The following DENND2B variants were observed in gnomAD, a reference collection of about 807,000 sequenced individuals.
DENND2B encodes DENN domain containing 2B, also known as DENN domain-containing protein 2B.
A neutral mutation model predicts 116.0 loss-of-function variants in DENND2B; 32 were observed. That is an observed-to-expected ratio of 0.28 (90% CI 0.21 to 0.37). DENND2B has a LOEUF of 0.37. Among genes scored for constraint, DENND2B ranks in the 10% least tolerant of loss-of-function variants. The pLI is 1.00. For synonymous variants in DENND2B, 588 were observed against 583.9 expected (o/e 1.01, Z -0.10); for missense variants, 1,276 against 1,477.7 (o/e 0.86, Z 2.24).
chr11:8,706,945 C>T, intron 13 of DENND2B, 140 bp downstream of exon 13: 1 of 1,097,512 alleles, frequency 9.1e-7, no homozygotes, highest in Non-Finnish European at 1.3e-6. Context: ...CTCTTTTGGT[C>T]CCTAGTGATG....
intron 2 of DENND2B, among the ~76,000 whole-genome samples, chr11:8,745,168 C>T (rs752758475): frequency 6.6e-6 from 1 of 152,126 alleles, no homozygotes; most frequent in Non-Finnish European, 1.5e-5. Context: ...GATCCTCCCA[C>T]CCCAATCTCC....
At chr11:8,868,082 A>G (rs1034143774) in intron 2 of DENND2B, among the ~76,000 whole-genome samples, 10 of 152,182 alleles carry the variant, frequency 6.6e-5, no homozygotes, top group African/African-American at 2.4e-4. Flanking sequence ...ATTGATCCAC[A>G]TACACATTCC....
upstream of DENND2B, chr11:8,811,687 A>C (rs901414724): frequency 5.1e-6 from 1 of 196,268 alleles, no homozygotes; most frequent in Non-Finnish European, 1.0e-5. Flanking sequence ...TTTGAAATAC[A>C]CTGCACAGAT....
chr11:8,713,760 C>T (rs1214496222), intron 8 of DENND2B, among the ~76,000 whole-genome samples: 2 of 152,202 alleles, frequency 1.3e-5, no homozygotes, highest in Non-Finnish European at 2.9e-5. Flanking sequence ...CAGGTCACCA[C>T]CCTTACATTT....
chr11:8,785,280 T>C (rs576357502), intron 1 of DENND2B: 1 of 152,346 alleles, frequency 6.6e-6, no homozygotes, highest in Admixed American at 6.5e-5. Context: ...AGCTTTTCTT[T>C]ACATTAAAAA....
At chr11:8,900,901 A>G (rs2064159059) in intron 1 of DENND2B, among the ~76,000 whole-genome samples, 1 of 151,840 alleles carries the variant, frequency 6.6e-6, no homozygotes, top group Non-Finnish European at 1.5e-5. Flanking sequence ...TCTGGGAGGC[A>G]GAGGTTGCAG....
chr11:8,823,989 G>A (rs1461078921), intron 4 of DENND2B, among the ~76,000 whole-genome samples: 2 of 147,302 alleles, frequency 1.4e-5, no homozygotes, highest in African/African-American at 5.0e-5. Context: ...TGCAACCTCC[G>A]CCTCCCGGGT....
chr11:8,778,593 G>C (rs1368038008), intron 1 of DENND2B, among the ~76,000 whole-genome samples: 3 of 152,238 alleles, frequency 2.0e-5, no homozygotes, highest in Non-Finnish European at 4.4e-5. Context: ...CCTGCTTCCA[G>C]CTCAGGGAAG....
intron 1 of DENND2B, among the ~76,000 whole-genome samples, chr11:8,760,333 G>T (rs1057102841): frequency 1.3e-5 from 2 of 152,102 alleles, no homozygotes; most frequent in Non-Finnish European, 2.9e-5. Flanking sequence ...CCCAAACCAA[G>T]ATTCTCAAAA....
chr11:8,779,887 C>T (rs2058200207), intron 1 of DENND2B, among the ~76,000 whole-genome samples: 3 of 152,158 alleles, frequency 2.0e-5, no homozygotes, highest in Admixed American at 2.0e-4. Context: ...GCCTAACTTC[C>T]TAAACTCAAA....
At chr11:8,715,480 T>G (rs2044574273) in intron 6 of DENND2B, 123 bp downstream of exon 6, 1 of 968,454 alleles carries the variant, frequency 1.0e-6, no homozygotes, top group African/African-American at 1.6e-5. Flanking sequence ...CCAGAATTTA[T>G]TCAAAGGGAA....
intron 1 of DENND2B, among the ~76,000 whole-genome samples, chr11:8,805,663 G>T (rs2134451019): frequency 6.6e-6 from 1 of 152,240 alleles, no homozygotes. Flanking sequence ...GCATGAGATG[G>T]TCATTAACCC....
chr11:8,880,855 A>G (rs1029686068), intron 2 of DENND2B, among the ~76,000 whole-genome samples: 1 of 151,876 alleles, frequency 6.6e-6, no homozygotes, highest in Non-Finnish European at 1.5e-5. Context: ...ACTTCCAACT[A>G]CTCACTCTCA....
intron 4 of DENND2B, 89 bp downstream of exon 4, chr11:8,725,984 T>C: frequency 1.9e-6 from 3 of 1,583,844 alleles, no homozygotes; most frequent in Non-Finnish European, 2.6e-6. Flanking sequence ...CTGCCCACAG[T>C]GAAGGAGGTC....
chr11:8,707,735 TC>T lies in DENND2B; in HGVS notation c.2430+41del. On this transcript the variant is annotated intron_variant, in intron 12 of 19. Coordinates refer to ENST00000313726, the MANE Select transcript of DENND2B (RefSeq NM_213618.2). This position sits in a 1 kb window ranked among gnomAD's most constrained non-coding sequence, Gnocchi z 4.8. ...GCTGCAGATACTCCTGTGGGAGCTG[TC>T]AGCTGGGGGACGGGGAGGGAAGCCT... is the stretch of plus-strand genomic sequence containing the variant. 6.4e-7 allele frequency: 1 copy of T among 1,570,258 alleles called. No individual in the cohort carries two copies.
At chr11:8,895,919 C>T (rs543342357) in intron 1 of DENND2B, among the ~76,000 whole-genome samples, 2 of 151,778 alleles carry the variant, frequency 1.3e-5, no homozygotes, top group Non-Finnish European at 2.9e-5. Flanking sequence ...CCACCATGAC[C>T]GGCCTATTTT....
In DENND2B at chr11:8,715,696, C is replaced by T. The variant is rs1565693865; in HGVS notation, c.1752G>A (p.Leu584=). 2 of 1,614,224 alleles carry T rather than the reference C, an allele frequency of 1.2e-6. No individual in the cohort carries two copies. The highest frequency in any genetic ancestry group is 2.2e-5 in the East Asian group (1 of 44,880). ...SHDDMLLLAQ[L]SLPSSPSSLN... ...GGCTGGAGGGTGAGGACGGCAGACTCAGCTGAGCCAGCAGCAGCATGTCGT... is the reference window on the plus strand; with the variant it reads ...GGCTGGAGGGTGAGGACGGCAGACTTAGCTGAGCCAGCAGCAGCATGTCGT... Residue 584 remains leucine, a synonymous_variant, in exon 6 of 20, where the codon CTG becomes CTA. Coordinates refer to ENST00000313726, the MANE Select transcript of DENND2B (RefSeq NM_213618.2).
intron 3 of DENND2B, among the ~76,000 whole-genome samples, chr11:8,856,033 A>T (rs966961177): frequency 3.3e-5 from 5 of 152,250 alleles, no homozygotes; most frequent in African/African-American, 1.2e-4. Flanking sequence ...ACACATAAAC[A>T]TTCAACAACT....
chr11:8,773,629 A>G (rs972215977), intron 1 of DENND2B, among the ~76,000 whole-genome samples: 11 of 152,224 alleles, frequency 7.2e-5, no homozygotes, highest in African/African-American at 2.7e-4. Context: ...AGCCCAGTCC[A>G]GCAGAGCTGA....
Sources: allele counts gnomAD v4.1 joint callset (sites outside exome capture counted in the v4.1 genomes callset), GRCh38; gene constraint gnomAD v4.1.1; non-coding constraint Gnocchi (gnomAD v3.1); transcripts MANE v1.5; gene names NCBI Gene and HGNC (gene_info 2026-07-23, HGNC 2026-07-21).